Variants in RNFT2 observed in about 807,000 individuals in gnomAD.
RNFT2 encodes the protein ring finger protein, transmembrane 2.
Under a neutral mutation model 53.0 loss-of-function variants are expected in RNFT2, and 36 were observed. That is an observed-to-expected ratio of 0.68 (90% CI 0.52 to 0.90). The LOEUF (loss-of-function observed/expected upper bound fraction) is 0.90. Ranked by LOEUF, RNFT2 falls within the 40% of genes least tolerant of loss-of-function variation. RNFT2 has a pLI of 0.00. For synonymous variants in RNFT2, 260 were observed against 253.2 expected, an observed-to-expected ratio of 1.03 and a Z score of -0.26; for missense variants, 514 against 585.6, an observed-to-expected ratio of 0.88 and a Z score of 1.26.
intron 10 of RNFT2, among the ~76,000 whole-genome samples, chr12:116,840,150 A>G (rs1195223527): frequency 2.0e-5 from 3 of 152,182 alleles, no homozygotes; most frequent in Non-Finnish European, 2.9e-5. Flanking sequence ...CTTGGTCACT[A>G]TGAGTTTGGT....
chr12:116,762,508 G>A (rs925332059), intron 5 of RNFT2, among the ~76,000 whole-genome samples: 7 of 151,984 alleles, frequency 4.6e-5, no homozygotes, highest in African/African-American at 1.4e-4. Flanking sequence ...AGGCTGAGGC[G>A]GGAGGATCCC....
chr12:116,765,270 C>T (rs973703705), intron 5 of RNFT2, among the ~76,000 whole-genome samples: 3 of 152,168 alleles, frequency 2.0e-5, no homozygotes, highest in East Asian at 1.9e-4. Context: ...GTAAAAAGAG[C>T]TGCCAGGTGG....
chr12:116,853,317 G>T lies in RNFT2; in HGVS notation c.*3869G>T. The T allele has an allele frequency of 2.5e-6, 1 of 397,850 alleles. No individual in the cohort carries two copies. Among genetic ancestry groups the T allele is most frequent in the South Asian group, 1.3e-4 (1 of 7,640 alleles). The allele number at this position is 397,850 out of a possible 1,614,324, so 24.6% of individuals were successfully genotyped here. A position where few individuals can be genotyped will look rare whatever the true frequency, so the allele number is the denominator to read the frequency against. ...TGCCCTTATTATTTTATGATTCACT[G>T]ACTCAAGTTCCACGAAGTCCTTAGA... On this transcript the variant is annotated 3_prime_UTR_variant, in exon 11 of 11. Transcript: ENST00000257575.
intron 4 of RNFT2, among the ~76,000 whole-genome samples, chr12:116,753,781 G>T (rs182558654): frequency 1.3e-5 from 2 of 152,152 alleles, no homozygotes; most frequent in African/African-American, 4.8e-5. Context: ...CCTAAATCCT[G>T]TCCCTAAGTC....
rs147383426 is a variant in RNFT2, at chr12:116,797,484, G to A, written c.882+18136G>A. The stretch of plus-strand genomic sequence containing the variant: ...TGAGGCAGGAGACTCACTTGAACCC[G>A]GGAGGTGGAGGTTGCAGCTGAGATG... On this transcript the variant is annotated intron_variant, in intron 7 of 10. Transcript: ENST00000257575. 5.2e-4 allele frequency among the ~76,000 whole-genome samples: 79 copies of A among 152,124 alleles called. 1 individual carries two copies. The highest frequency in any genetic ancestry group is 1.6e-3 in the African/African-American group (68 of 41,480).
intron 6 of RNFT2, among the ~76,000 whole-genome samples, chr12:116,768,736 C>CTCTT (rs555119379): frequency 0.051 from 7,354 of 142,866 alleles, 510 homozygotes; most frequent in African/African-American, 0.15. Flanking sequence ...TTTTCTCTCT[C>CTCTT]TTTTTTTTTT....
At chr12:116,803,211 G>C (rs947494302) in intron 7 of RNFT2, among the ~76,000 whole-genome samples, 18 of 152,176 alleles carry the variant, frequency 1.2e-4, no homozygotes, top group Admixed American at 9.2e-4. Flanking sequence ...ACCTGGTCTT[G>C]TTATGCCAGC....
chr12:116,782,445 T>A (rs1224890037), intron 7 of RNFT2, among the ~76,000 whole-genome samples: 1 of 152,104 alleles, frequency 6.6e-6, no homozygotes, highest in African/African-American at 2.4e-5. Flanking sequence ...GAGGATTGCT[T>A]GAGGCCAGGA....
At chr12:116,797,673 TAGA>T (rs1431182095) in intron 7 of RNFT2, among the ~76,000 whole-genome samples, 1 of 152,010 alleles carries the variant, frequency 6.6e-6, no homozygotes, top group Non-Finnish European at 1.5e-5. Flanking sequence ...AGTGGTAGGG[TAGA>T]AGAAGGTAGC....
At chr12:116,832,142 A>ATATATATATATATATAT (rs1170051785) in intron 7 of RNFT2, among the ~76,000 whole-genome samples, 14 of 61,778 alleles carry the variant, frequency 2.3e-4, no homozygotes, top group African/African-American at 4.5e-4. Flanking sequence ...AAAAAAAAAA[A>ATATATATATATATATAT]AAAAAAATAT....
chr12:116,743,245 C>CAAAAAAAAAAA (rs1491208112), intron 3 of RNFT2, among the ~76,000 whole-genome samples: 1 of 27,190 alleles, frequency 3.7e-5, no homozygotes, highest in Admixed American at 5.5e-4. Flanking sequence ...AAAAAAAAAA[C>CAAAAAAAAAAA]CGGTTAAAAA....
Position 116,801,854 on chromosome 12 carries a change from C to T in RNFT2, c.882+22506C>T, listed in dbSNP as rs1463629448. On this transcript the variant is annotated intron_variant, in intron 7 of 10. Coordinates refer to ENST00000257575, the MANE Select transcript of RNFT2 (RefSeq NM_001382266.1). ...TTTGTTTTTTTGAGACAGAGTCTCA[C>T]TCTGTTGCCCAGGCTGGAGTGCAGT... Among the ~76,000 whole-genome samples the T allele has an allele frequency of 2.0e-5, 3 of 151,898 alleles. No individual in the cohort carries two copies. In the South Asian group the frequency reaches 6.2e-4, roughly 32 times the overall value.
chr12:116,814,875 C>T (rs1369962764), intron 7 of RNFT2, among the ~76,000 whole-genome samples: 1 of 152,080 alleles, frequency 6.6e-6, no homozygotes, highest in Non-Finnish European at 1.5e-5. Context: ...GATGGTGTTT[C>T]ACCTGCGTGC....
intron 10 of RNFT2, among the ~76,000 whole-genome samples, chr12:116,837,272 CCCT>C (rs1352032265): frequency 6.6e-6 from 1 of 152,074 alleles, no homozygotes. Flanking sequence ...AGATCCCGTC[CCCT>C]CCTCTGGAAG....
rs532621243 is a variant in RNFT2 at position 116,764,059 on chromosome 12, A to G, written c.628-2755A>G. Among the ~76,000 whole-genome samples, 218 of 152,328 alleles carry G rather than the reference A, an allele frequency of 1.4e-3. 1 individual carries two copies. Among genetic ancestry groups the G allele is most frequent in the African/African-American group, 4.2e-3 (174 of 41,578 alleles). On this transcript the variant is annotated intron_variant, in intron 5 of 10. Transcript: ENST00000257575. ...ATTAATGGAATTCGCAGCAACCTGGATGGGATTGGAGACTATTATTCTAAG... is the reference window on the plus strand; with the variant it reads ...ATTAATGGAATTCGCAGCAACCTGGGTGGGATTGGAGACTATTATTCTAAG...
At chr12:116,811,371 G>GT (rs1365021559) in intron 7 of RNFT2, among the ~76,000 whole-genome samples, 1 of 76,622 alleles carries the variant, frequency 1.3e-5, no homozygotes, top group African/African-American at 4.5e-5. Context: ...CTCAATGGGT[G>GT]TATTTTTTTT....
intron 6 of RNFT2, among the ~76,000 whole-genome samples, chr12:116,773,262 G>A (rs1024100642): frequency 7.2e-5 from 11 of 152,200 alleles, no homozygotes; most frequent in South Asian, 2.1e-4. Flanking sequence ...ATGCCCAGCC[G>A]CAAGTAACGT....
intron 7 of RNFT2, among the ~76,000 whole-genome samples, chr12:116,824,940 G>T (rs1302954808): frequency 6.6e-6 from 1 of 152,170 alleles, no homozygotes; most frequent in Non-Finnish European, 1.5e-5. Flanking sequence ...TGTTGTTGTT[G>T]TTGTTGACTT....
At chr12:116,800,707 A>AC (rs1316041771) in intron 7 of RNFT2, among the ~76,000 whole-genome samples, 1 of 150,978 alleles carries the variant, frequency 6.6e-6, no homozygotes, top group Non-Finnish European at 1.5e-5. Context: ...CCAGCTACTC[A>AC]GGGGGCTGAG....
Sources: allele counts gnomAD v4.1 joint callset (sites outside exome capture counted in the v4.1 genomes callset), GRCh38; gene constraint gnomAD v4.1.1; transcripts MANE v1.5; gene names NCBI Gene and HGNC (gene_info 2026-07-23, HGNC 2026-07-21).